The following FXR2 variants were observed in gnomAD, a reference collection of about 807,000 sequenced individuals.
FXR2 encodes the protein FMR1 autosomal homolog 2, also known as RNA-binding protein FXR2.
Under a neutral mutation model 87.3 loss-of-function variants are expected in FXR2, and 9 were observed. That is an observed-to-expected ratio of 0.10 (90% CI 0.06 to 0.18). The LOEUF is 0.18. Among genes scored for constraint, FXR2 ranks in the 10% least tolerant of loss-of-function variants. The probability of loss-of-function intolerance (pLI) is 1.00; values close to 1 mark genes in which losing one functional copy is unlikely to be tolerated. For missense variants in FXR2, 661 were observed against 893.6 expected, an observed-to-expected ratio of 0.74 and a Z score of 3.32; for synonymous variants, 331 against 328.3, an observed-to-expected ratio of 1.01 and a Z score of -0.09.
Position 7,592,945 on chromosome 17 carries a change from T to C in FXR2, c.1528+39A>G, listed in dbSNP as rs1010824617. 12 of 1,546,024 alleles carry C rather than the reference T, an allele frequency of 7.8e-6. No individual in the cohort carries two copies. Among genetic ancestry groups the C allele is most frequent in the Middle Eastern group, 1.7e-4 (1 of 5,716 alleles). ...TTGGCAGTCAGGTGCCCATCATCTT[T>C]CCTTTTGGCCCATATTCATGAACCC... On this transcript the variant is annotated intron_variant, in intron 13 of 16. Transcript: ENST00000250113. The surrounding 1 kb of genome is among the most constrained non-coding windows in gnomAD (Gnocchi z 4.8).
chr17:7,606,294 T>C (rs2071802442), intron 1 of FXR2, 145 bp from the exon 2 acceptor site: 1 of 621,730 alleles, frequency 1.6e-6, no homozygotes, highest in Non-Finnish European at 2.8e-6. Context: ...CCTGAAAGGC[T>C]GCACTGGGGA....
intron 1 of FXR2, among the ~76,000 whole-genome samples, chr17:7,607,056 C>T (rs1255622259): frequency 6.6e-6 from 1 of 152,156 alleles, no homozygotes; most frequent in Non-Finnish European, 1.5e-5. Context: ...CAGTGGCTCA[C>T]GCCTATAATC....
In FXR2 at chr17:7,593,665, A is replaced by G. The variant is rs1401323938; in HGVS notation, c.1108-40T>C. The G allele has an allele frequency of 1.5e-6, 2 of 1,358,102 alleles. No homozygotes were observed. The highest frequency in any genetic ancestry group is 2.0e-5 in the Admixed American group (1 of 51,108). 84.1% of individuals were successfully genotyped at this position (1,358,102 alleles called of 1,614,324 possible). A position where few individuals can be genotyped will look rare whatever the true frequency, so the allele number is the denominator to read the frequency against. On this transcript the variant is annotated intron_variant, in intron 11 of 16. Coordinates refer to ENST00000250113, the MANE Select transcript of FXR2 (RefSeq NM_004860.4). This position sits in a 1 kb window ranked among gnomAD's most constrained non-coding sequence, Gnocchi z 6.1. Reference sequence around the variant, plus strand: ...GATGGAAGAAGGGGAAGGAGAAATAAGATCAGTGCCTTGCTTCATGCTTCT... The same window carrying G: ...GATGGAAGAAGGGGAAGGAGAAATAGGATCAGTGCCTTGCTTCATGCTTCT...
chr17:7,595,111 T>A lies in FXR2; in HGVS notation c.832-354A>T. 6.8e-6 allele frequency among the ~76,000 whole-genome samples: 1 copy of A among 147,566 alleles called. No homozygotes were observed. Among genetic ancestry groups the A allele is most frequent in the Non-Finnish European group, 1.5e-5 (1 of 67,162 alleles). ...GGGCAACAGAGTGAGTTAGACTCCATCTCATAAAAAAAAAAAATTAAACAA... is the reference window on the plus strand; with the variant it reads ...GGGCAACAGAGTGAGTTAGACTCCAACTCATAAAAAAAAAAAATTAAACAA... On this transcript the variant is annotated intron_variant, in intron 8 of 16. Transcript: ENST00000250113. This position sits in a 1 kb window ranked among gnomAD's most constrained non-coding sequence, Gnocchi z 4.7.
At chr17:7,609,932 A>G (rs1005427922) in intron 1 of FXR2, among the ~76,000 whole-genome samples, 2 of 97,170 alleles carry the variant, frequency 2.1e-5, no homozygotes, top group African/African-American at 9.1e-5. Context: ...ATGTATATGT[A>G]TATATATACA....
intron 6 of FXR2, among the ~76,000 whole-genome samples, chr17:7,601,917 C>T (rs1350079366): frequency 4.0e-5 from 6 of 151,234 alleles, no homozygotes; most frequent in Non-Finnish European, 8.8e-5. Flanking sequence ...CAGAACAATA[C>T]TCTGTTTTCA....
intron 6 of FXR2, among the ~76,000 whole-genome samples, chr17:7,602,581 T>A (rs2071767136): frequency 1.4e-5 from 2 of 138,090 alleles, no homozygotes; most frequent in African/African-American, 5.9e-5. Context: ...AAAAAAAAAA[T>A]TAGCCGGCGT....
chr17:7,608,963 G>T (rs1484602407), intron 1 of FXR2, among the ~76,000 whole-genome samples: 1 of 152,150 alleles, frequency 6.6e-6, no homozygotes, highest in Non-Finnish European at 1.5e-5. Context: ...TTATAAATTA[G>T]CAGGGTATGA....
chr17:7,602,746 A>G, intron 6 of FXR2, 163 bp downstream of exon 6: 1 of 540,270 alleles, frequency 1.9e-6, no homozygotes. Flanking sequence ...AAGAAAAAAA[A>G]AAGGTAGGGC....
rs766691490 is a variant in FXR2 at position 7,593,071 on chromosome 17, G to T, written c.1441C>A (p.Arg481=). ...RDPPTRGEES[R]RRPTGGRGRG... ...CCCCGGCCCCCAGTCGGCCGCCTCCGGCTTTCTTCCCCTCGGGTTGGGGGA... is the reference window on the plus strand; with the variant it reads ...CCCCGGCCCCCAGTCGGCCGCCTCCTGCTTTCTTCCCCTCGGGTTGGGGGA... Residue 481 remains arginine, a synonymous_variant, in exon 13 of 17, where the codon CGG becomes AGG. Transcript: ENST00000250113. The surrounding 1 kb of genome is among the most constrained non-coding windows in gnomAD (Gnocchi z 6.1). The T allele has an allele frequency of 6.3e-7, 1 of 1,591,316 alleles. No homozygotes were observed. Among genetic ancestry groups the T allele is most frequent in the East Asian group, 2.2e-5 (1 of 44,642 alleles).
rs956349925 is a variant in FXR2, at chr17:7,596,334, T to A, written c.661-340A>T. On this transcript the variant is annotated intron_variant, in intron 7 of 16. Transcript: ENST00000250113. ...CACCATGCCTGGCTAATTTCTGTAT[T>A]TTTAGTAGAGACAAGGTTTCACCAT... The A allele has an allele frequency of 4.7e-5, 8 of 170,606 alleles. No individual in the cohort carries two copies. The South Asian group carries it at 1.1e-3, about 23-fold the overall frequency. The allele number at this position is 170,606 out of a possible 1,614,324, so 10.6% of individuals were successfully genotyped here.
Position 7,593,948 on chromosome 17 carries a change from A to G in FXR2, c.1077T>C (p.Ala359=). The G allele has an allele frequency of 1.2e-6, 2 of 1,610,720 alleles. No homozygotes were observed. The highest frequency in any genetic ancestry group is 2.2e-5 in the East Asian group (1 of 44,872). Residue 359 remains alanine, a synonymous_variant, in exon 11 of 17, where the codon GCT becomes GCC. Transcript: ENST00000250113. This position sits in a 1 kb window ranked among gnomAD's most constrained non-coding sequence, Gnocchi z 6.1. ...GGTAGGAGAGGTGATACTCCAGCAA[A>G]GCCTGGGCATTGCTGATGTTCTCTC... ...GTRENISNAQ[A]LLEYHLSYLQ...
chr17:7,606,937 CA>C, intron 1 of FXR2, among the ~76,000 whole-genome samples: 1 of 152,318 alleles, frequency 6.6e-6, no homozygotes, highest in African/African-American at 2.4e-5. Flanking sequence ...CTATTTTTCA[CA>C]TACAATTAGG....
chr17:7,613,259 C>T (rs1244210715), intron 1 of FXR2, among the ~76,000 whole-genome samples: 1 of 151,976 alleles, frequency 6.6e-6, no homozygotes, highest in Non-Finnish European at 1.5e-5. Context: ...TATCTCTTCC[C>T]CAGCTCCCCA....
At chr17:7,600,258 G>A (rs2071743559) in intron 7 of FXR2, among the ~76,000 whole-genome samples, 3 of 150,854 alleles carry the variant, frequency 2.0e-5, no homozygotes, top group Admixed American at 1.3e-4. Context: ...AAGTGCAATG[G>A]CGCAATCTTG....
At chr17:7,603,662 AG>A in intron 5 of FXR2, 94 bp downstream of exon 5, 1 of 1,239,514 alleles carries the variant, frequency 8.1e-7, no homozygotes, top group Admixed American at 2.0e-5. Flanking sequence ...GGAACAACAG[AG>A]AAAACTGCAA....
At chr17:7,613,543 G>A (rs1035198201) in intron 1 of FXR2, among the ~76,000 whole-genome samples, 3 of 152,164 alleles carry the variant, frequency 2.0e-5, no homozygotes, top group East Asian at 1.9e-4. Context: ...AGATGATCCC[G>A]TCTTCCAAAA....
At chr17:7,612,302 A>C (rs564750403) in intron 1 of FXR2, among the ~76,000 whole-genome samples, 7 of 152,204 alleles carry the variant, frequency 4.6e-5, no homozygotes, top group Non-Finnish European at 1.0e-4. Context: ...ATACCAAGGT[A>C]AACAGGGAGG....
In FXR2 at chr17:7,591,627, G is replaced by A. The variant is rs894020953; in HGVS notation, c.*203C>T. On this transcript the variant is annotated 3_prime_UTR_variant, in exon 17 of 17. Coordinates refer to ENST00000250113, the MANE Select transcript of FXR2 (RefSeq NM_004860.4). This position sits in a 1 kb window ranked among gnomAD's most constrained non-coding sequence, Gnocchi z 4.0. ...GGAGAGAGGCTCCCCTTACCCTGGGGGTAGGGTGGACAAGAGGGAGGGGGT... is the reference window on the plus strand; with the variant it reads ...GGAGAGAGGCTCCCCTTACCCTGGGAGTAGGGTGGACAAGAGGGAGGGGGT... 2.7e-5 allele frequency: 16 copies of A among 591,156 alleles called. No homozygotes were observed. Among genetic ancestry groups the A allele is most frequent in the Admixed American group, 2.8e-5 (1 of 36,158 alleles). 36.6% of individuals were successfully genotyped at this position (591,156 alleles called of 1,614,324 possible).
Sources: allele counts gnomAD v4.1 joint callset (sites outside exome capture counted in the v4.1 genomes callset), GRCh38; gene constraint gnomAD v4.1.1; non-coding constraint Gnocchi (gnomAD v3.1); transcripts MANE v1.5; gene names NCBI Gene and HGNC (gene_info 2026-07-23, HGNC 2026-07-21).